SH3RF3: variants seen among roughly 807,000 people sequenced by gnomAD.
SH3RF3 encodes SH3 domain containing ring finger 3.
A neutral mutation model predicts 66.3 loss-of-function variants in SH3RF3; 29 were observed. The ratio of observed to expected loss-of-function variants is 0.44; its 90% CI spans 0.33 to 0.60. SH3RF3 has a LOEUF of 0.60. SH3RF3 is among the 20% of genes least tolerant of loss of function. SH3RF3 has a pLI of 0.04. For missense variants in SH3RF3, 1,194 were observed against 1,190.9 expected (o/e 1.00, Z -0.04); for synonymous variants, 583 against 532.0 (o/e 1.10, Z -1.32).
intron 2 of SH3RF3, among the ~76,000 whole-genome samples, chr2:109,364,449 A>C (rs981978556): frequency 6.6e-5 from 10 of 152,194 alleles, no homozygotes; most frequent in Non-Finnish European, 8.8e-5. Context: ...TTTAAGTCTA[A>C]CATTAGTTGC....
chr2:109,227,317 C>G (rs188603203), intron 1 of SH3RF3, among the ~76,000 whole-genome samples: 149 of 152,248 alleles, frequency 9.8e-4, no homozygotes, highest in Non-Finnish European at 1.6e-3. Context: ...AGCTACACGT[C>G]CATGCCAGAA....
chr2:109,479,157 G>A lies in SH3RF3; in HGVS notation c.2149-11448G>A, dbSNP rs181013781. ...CCTCACAATGTGGCGACTGGGTTCC[G>A]AGAGTGAGTGCACGGCCTGCCCTTG... is the stretch of plus-strand genomic sequence containing the variant. On this transcript the variant is annotated intron_variant, in intron 8 of 9. Transcript: ENST00000309415. Among the ~76,000 whole-genome samples the A allele has an allele frequency of 1.7e-3, 261 of 152,302 alleles. 1 individual carries two copies. The Middle Eastern group carries it at 0.031, about 18-fold the overall frequency.
chr2:109,385,922 G>A (rs1364139181), intron 3 of SH3RF3, among the ~76,000 whole-genome samples: 1 of 152,126 alleles, frequency 6.6e-6, no homozygotes, highest in Non-Finnish European at 1.5e-5. Context: ...TTTCTTATTG[G>A]TAAATTTGCA....
At chr2:109,308,185 AT>A in intron 1 of SH3RF3, among the ~76,000 whole-genome samples, 1 of 134,294 alleles carries the variant, frequency 7.4e-6, no homozygotes, top group Admixed American at 7.2e-5. Context: ...GATGATGAGC[AT>A]TTTTTCATGT....
intron 6 of SH3RF3, among the ~76,000 whole-genome samples, chr2:109,435,987 C>G (rs1388961878): frequency 2.0e-5 from 3 of 152,134 alleles, no homozygotes; most frequent in African/African-American, 7.2e-5. Context: ...TGTGCAGAAA[C>G]CCTCACTCTG....
At chr2:109,239,969 C>A (rs912679239) in intron 1 of SH3RF3, among the ~76,000 whole-genome samples, 6 of 152,320 alleles carry the variant, frequency 3.9e-5, no homozygotes, top group South Asian at 4.1e-4. Context: ...GTGGGGCTTG[C>A]AGCTGGGTAT....
chr2:109,332,799 G>A lies in SH3RF3; in HGVS notation c.574-14875G>A, dbSNP rs1682318124. Among the ~76,000 whole-genome samples the A allele has an allele frequency of 2.0e-5, 3 of 152,318 alleles. 1 individual carries two copies. The South Asian group carries it at 6.2e-4, about 32-fold the overall frequency. ...TGCTAGTGTGGGTGGTGAGAAATAG[G>A]ACTCGGAATCACCCTTTTTAACGTG... On this transcript the variant is annotated intron_variant, in intron 1 of 9. Transcript: ENST00000309415.
At chr2:109,405,970 A>G (rs10168938) in intron 4 of SH3RF3, among the ~76,000 whole-genome samples, 89,378 of 152,074 alleles carry the variant, frequency 0.59, 27,155 homozygotes, top group African/African-American at 0.74. Context: ...TACCTGAGAG[A>G]CTGTGTGGCC....
At chr2:109,444,281 A>G (rs781395423) in intron 7 of SH3RF3, among the ~76,000 whole-genome samples, 1 of 152,208 alleles carries the variant, frequency 6.6e-6, no homozygotes, top group Non-Finnish European at 1.5e-5. Context: ...AATTAAGTTT[A>G]TGTGATGTTG....
chr2:109,474,988 TG>T (rs372661646), intron 8 of SH3RF3, among the ~76,000 whole-genome samples: 4 of 152,062 alleles, frequency 2.6e-5, no homozygotes, highest in Non-Finnish European at 5.9e-5. Flanking sequence ...TTTGTTTGTT[TG>T]TTTTTTTGAG....
intron 8 of SH3RF3, among the ~76,000 whole-genome samples, chr2:109,482,192 T>C (rs1167233637): frequency 6.6e-6 from 1 of 152,208 alleles, no homozygotes; most frequent in Non-Finnish European, 1.5e-5. Context: ...TCTTCAGGGC[T>C]GCTTTGAGAA....
chr2:109,287,871 T>G (rs1335746481), intron 1 of SH3RF3, among the ~76,000 whole-genome samples: 1 of 152,272 alleles, frequency 6.6e-6, no homozygotes, highest in Non-Finnish European at 1.5e-5. Context: ...CCTATAGTTT[T>G]TCTTTTGCTA....
intron 1 of SH3RF3, among the ~76,000 whole-genome samples, chr2:109,291,705 C>T (rs1454032847): frequency 1.3e-5 from 2 of 152,190 alleles, no homozygotes; most frequent in African/African-American, 2.4e-5. Context: ...CTCTTTGCTC[C>T]TCTTTGTCTC....
At chr2:109,267,253 T>G (rs769999319) in intron 1 of SH3RF3, among the ~76,000 whole-genome samples, 1 of 152,056 alleles carries the variant, frequency 6.6e-6, no homozygotes, top group Non-Finnish European at 1.5e-5. Flanking sequence ...AGGCACACAA[T>G]GGAACCAGAC....
At position 109,424,345 on chromosome 2, in the gene SH3RF3, C is replaced by T. The variant is rs145410789; in HGVS notation, c.1403+4703C>T. On this transcript the variant is annotated intron_variant, in intron 5 of 9. Coordinates refer to ENST00000309415, the MANE Select transcript of SH3RF3 (RefSeq NM_001099289.3). The stretch of plus-strand genomic sequence containing the variant: ...ACAGTGAGTGATCAGCCACTCATCG[C>T]CCTTCAGAGGGGACCCAGGCTGGGC... Among the ~76,000 whole-genome samples the T allele has an allele frequency of 9.7e-3, 1,483 of 152,330 alleles. 24 individuals are homozygous for T. The highest frequency in any genetic ancestry group is 0.03 in the African/African-American group (1,247 of 41,590).
intron 1 of SH3RF3, among the ~76,000 whole-genome samples, chr2:109,182,065 A>G (rs1678087539): frequency 6.6e-6 from 1 of 152,230 alleles, no homozygotes; most frequent in Admixed American, 6.5e-5. Flanking sequence ...GTAAACCTGA[A>G]TAATTTTTGA....
At chr2:109,179,460 T>A (rs1181485291) in intron 1 of SH3RF3, among the ~76,000 whole-genome samples, 2 of 152,146 alleles carry the variant, frequency 1.3e-5, no homozygotes, top group East Asian at 3.8e-4. Context: ...CCAGTGTCCT[T>A]GTCTTTGTGT....
At chr2:109,500,807 T>A (rs1404624724) in intron 9 of SH3RF3, among the ~76,000 whole-genome samples, 6 of 151,984 alleles carry the variant, frequency 3.9e-5, no homozygotes, top group African/African-American at 1.4e-4. Context: ...AGAAATTGGC[T>A]GGGCATGGTG....
chr2:109,152,250 A>G (rs1477218630), intron 1 of SH3RF3, among the ~76,000 whole-genome samples: 1 of 152,264 alleles, frequency 6.6e-6, no homozygotes, highest in African/African-American at 2.4e-5. Context: ...GACAGGCAGT[A>G]CCTATAATCA....
Sources: allele counts gnomAD v4.1 joint callset (sites outside exome capture counted in the v4.1 genomes callset), GRCh38; gene constraint gnomAD v4.1.1; transcripts MANE v1.5; gene names NCBI Gene and HGNC (gene_info 2026-07-23, HGNC 2026-07-21).